Variants in CNRIP1 observed in about 807,000 individuals in gnomAD.
The protein encoded by CNRIP1 is cannabinoid receptor interacting protein 1, also known as CB1 cannabinoid receptor-interacting protein 1.
Under a neutral mutation model 15.2 loss-of-function variants are expected in CNRIP1, and 10 were observed. The observed-to-expected ratio is 0.66, with a 90% CI of 0.41 to 1.12. The LOEUF (loss-of-function observed/expected upper bound fraction) is 1.12, where lower values mean the gene tolerates loss of function less well. CNRIP1 is among the 50% of genes most tolerant of loss of function. The pLI is 0.00. For missense variants in CNRIP1, 211 were observed against 214.7 expected (o/e 0.98, Z 0.11); for synonymous variants, 91 against 83.2 (o/e 1.09, Z -0.51).
At chr2:68,318,568 A>C (rs1009642354) in intron 1 of CNRIP1, among the ~76,000 whole-genome samples, 5 of 152,150 alleles carry the variant, frequency 3.3e-5, no homozygotes, top group African/African-American at 1.2e-4. Context: ...AGGCACCATC[A>C]CCAGCCTGAA....
rs1558670476 is a variant in CNRIP1, at chr2:68,317,277, T to C, written c.210A>G (p.Pro70=). The C allele has an allele frequency of 6.2e-7, 1 of 1,614,114 alleles. No homozygotes were observed. The highest frequency in any genetic ancestry group is 8.5e-7 in the Non-Finnish European group (1 of 1,180,014). The part of the protein sequence containing the change: ...ENISIGGVLV[P]LELKSKEPDG... ...CAGGCTCTTTAGACTTCAGTTCCAG[T>C]GGGACAAGCACACCACCAATGGAAA... Residue 70 remains proline, a synonymous_variant, in exon 2 of 3, where the codon CCA becomes CCG. Transcript: ENST00000263655.
Position 68,319,303 on chromosome 2 carries a change from C to T in CNRIP1, c.98G>A (p.Gly33Asp), listed in dbSNP as rs756488484. The T allele has an allele frequency of 5.1e-6, 8 of 1,554,344 alleles. No individual in the cohort carries two copies. The highest frequency in any genetic ancestry group is 7.0e-6 in the Non-Finnish European group (8 of 1,148,810). The part of the protein sequence containing the change: ...VFYKVDGQRF[G>D]QNRTIKLLTG... ...GAGCAGCTTGATGGTGCGGTTCTGGCCGAAGCGCTGCCCGTCCACCTTGTA... is the reference window on the plus strand; with the variant it reads ...GAGCAGCTTGATGGTGCGGTTCTGGTCGAAGCGCTGCCCGTCCACCTTGTA... Residue 33 changes from glycine (G) to aspartate (D), a missense_variant, in exon 1 of 3, where the codon GGC (glycine) becomes GAC (aspartate). Physicochemically the swap from Gly to Asp is moderately conservative, Grantham distance 94 (BLOSUM62 -1). Transcript: ENST00000263655.
chr2:68,289,490 T>G (rs1195330528), downstream of CNRIP1, among the ~76,000 whole-genome samples: 1 of 151,434 alleles, frequency 6.6e-6, no homozygotes, highest in Non-Finnish European at 1.5e-5. Context: ...TCTTTTTTTC[T>G]TTTTTTTTGA....
intron 2 of CNRIP1, among the ~76,000 whole-genome samples, chr2:68,303,482 C>T (rs765100007): frequency 6.6e-6 from 1 of 152,158 alleles, no homozygotes; most frequent in Non-Finnish European, 1.5e-5. Flanking sequence ...TTCCTGTTCA[C>T]CTCCTCATGC....
chr2:68,310,281 T>G (rs1380162421), intron 2 of CNRIP1, among the ~76,000 whole-genome samples: 1 of 152,158 alleles, frequency 6.6e-6, no homozygotes, highest in Non-Finnish European at 1.5e-5. Context: ...TGAGCTGAGA[T>G]CGCACCACTG....
At chr2:68,319,062 A>T (rs898868166) in intron 1 of CNRIP1, among the ~76,000 whole-genome samples, 160 bp downstream of exon 1, 1 of 152,206 alleles carries the variant, frequency 6.6e-6, no homozygotes, top group Admixed American at 6.5e-5. Flanking sequence ...AAGGAAGGGG[A>T]CGAAGGCGGA....
In CNRIP1 at chr2:68,319,417, G is replaced by T; in HGVS notation, c.-17C>A. The stretch of plus-strand genomic sequence containing the variant: ...GTCCCCCATGTCTGGGCGAGGGTCT[G>T]GCGCGGCGGCTCCGGGGGGCGGAGG... On this transcript the variant is annotated 5_prime_UTR_variant, in exon 1 of 3. Coordinates refer to ENST00000263655, the MANE Select transcript of CNRIP1 (RefSeq NM_015463.3). 6.5e-7 allele frequency: 1 copy of T among 1,528,472 alleles called. No individual in the cohort carries two copies. 94.7% of individuals were successfully genotyped at this position (1,528,472 alleles called of 1,614,324 possible). A position where few individuals can be genotyped will look rare whatever the true frequency, so the allele number is the denominator to read the frequency against.
In CNRIP1 at chr2:68,304,401, C is replaced by CAAAAA. The variant is rs34952922; in HGVS notation, c.331-10380_331-10376dup. On this transcript the variant is annotated intron_variant, in intron 2 of 2. Coordinates refer to ENST00000263655, the MANE Select transcript of CNRIP1 (RefSeq NM_015463.3). ...TGGGTGACAGAGTGAGACTCCATCTCAAAAAAAAAATAAAGTTGGAGAGCC... is the reference window on the plus strand; with the variant it reads ...TGGGTGACAGAGTGAGACTCCATCTCAAAAAAAAAAAAAAATAAAGTTGGAGAGCC... Among the ~76,000 whole-genome samples, 681 of 148,308 alleles carry CAAAAA rather than the reference C, an allele frequency of 4.6e-3. 4 individuals are homozygous for CAAAAA. The highest frequency in any genetic ancestry group is 0.016 in the African/African-American group (658 of 40,208).
At chr2:68,284,810 CAAAAAAAAAA>C (rs146572383) in intron 2 of CNRIP1, among the ~76,000 whole-genome samples, 6 of 73,790 alleles carry the variant, frequency 8.1e-5, no homozygotes, top group African/African-American at 2.6e-4. Flanking sequence ...GACTCTGTCT[CAAAAAAAAAA>C]AAAAAAAAGA....
At chr2:68,303,658 C>A (rs1671702611) in intron 2 of CNRIP1, among the ~76,000 whole-genome samples, 1 of 152,214 alleles carries the variant, frequency 6.6e-6, no homozygotes, top group Non-Finnish European at 1.5e-5. Context: ...ATTTCTATAT[C>A]TTTTTGAATA....
In CNRIP1 at chr2:68,319,309, C is replaced by A. The variant is rs778965502; in HGVS notation, c.92G>T (p.Arg31Leu). ...GPVFYKVDGQ[R>L]FGQNRTIKLL... ...CTTGATGGTGCGGTTCTGGCCGAAG[C>A]GCTGCCCGTCCACCTTGTAAAAGAC... Residue 31 changes from arginine to leucine, a missense_variant, in exon 1 of 3, where the codon CGC (arginine) becomes CTC (leucine). Coordinates refer to ENST00000263655, the MANE Select transcript of CNRIP1 (RefSeq NM_015463.3). The A allele has an allele frequency of 6.4e-7, 1 of 1,556,220 alleles. No homozygotes were observed. Among genetic ancestry groups the A allele is most frequent in the Non-Finnish European group, 8.7e-7 (1 of 1,149,774 alleles).
intron 2 of CNRIP1, among the ~76,000 whole-genome samples, chr2:68,302,998 C>G (rs1403224087): frequency 6.6e-6 from 1 of 151,982 alleles, no homozygotes; most frequent in Non-Finnish European, 1.5e-5. Context: ...CAGGCGCCCG[C>G]TACCTCGCCC....
At chr2:68,303,177 T>C (rs545266441) in intron 2 of CNRIP1, among the ~76,000 whole-genome samples, 1 of 152,292 alleles carries the variant, frequency 6.6e-6, no homozygotes, top group African/African-American at 2.4e-5. Context: ...GGTATCAACT[T>C]TGGACTCTTA....
chr2:68,310,430 T>C (rs1449850407), intron 2 of CNRIP1, among the ~76,000 whole-genome samples: 1 of 152,142 alleles, frequency 6.6e-6, no homozygotes, highest in Admixed American at 6.5e-5. Flanking sequence ...TCCAGTTCCT[T>C]GGCTGACTGC....
chr2:68,296,787 G>A (rs2103623666), intron 2 of CNRIP1, among the ~76,000 whole-genome samples: 1 of 152,150 alleles, frequency 6.6e-6, no homozygotes, highest in East Asian at 1.9e-4. Context: ...ACAGGTGTGT[G>A]CCACTACGCC....
chr2:68,309,860 A>G (rs1482807837), intron 2 of CNRIP1, among the ~76,000 whole-genome samples: 1 of 152,226 alleles, frequency 6.6e-6, no homozygotes, highest in Non-Finnish European at 1.5e-5. Flanking sequence ...TGGACACCCT[A>G]CAGGGGCCAT....
intron 2 of CNRIP1, among the ~76,000 whole-genome samples, chr2:68,302,771 T>C (rs1429983068): frequency 6.6e-6 from 1 of 151,898 alleles, no homozygotes; most frequent in Non-Finnish European, 1.5e-5. Flanking sequence ...TGAAGTGTGA[T>C]ATCAGAAAAG....
At chr2:68,288,523 T>C (rs1435755647), downstream of CNRIP1, among the ~76,000 whole-genome samples, 2 of 152,194 alleles carry the variant, frequency 1.3e-5, no homozygotes, top group Non-Finnish European at 2.9e-5. Flanking sequence ...TATTTTTCAT[T>C]TGTTAGCAAG....
At position 68,317,296 on chromosome 2, in the gene CNRIP1, A is replaced by G. The variant is rs1672312232; in HGVS notation, c.191T>C (p.Ile64Thr). The G allele has an allele frequency of 1.1e-5, 17 of 1,614,032 alleles. No homozygotes were observed. Among genetic ancestry groups the G allele is most frequent in the Admixed American group, 1.7e-5 (1 of 60,026 alleles). ...TTCCAGTGGGACAAGCACACCACCA[A>G]TGGAAATATTCCTGCAATAGACTTG... ...PSTLQVENIS[I>T]GGVLVPLELK... Residue 64 changes from isoleucine (I) to threonine (T), a missense_variant, in exon 2 of 3, where the codon ATT becomes ACT. By Grantham distance (89) the Ile-to-Thr change is moderately conservative. Coordinates refer to ENST00000263655, the MANE Select transcript of CNRIP1 (RefSeq NM_015463.3).
Sources: gnomAD v4.1 joint callset for allele counts (sites outside exome capture counted in the v4.1 genomes callset) on GRCh38, gnomAD v4.1.1 for gene constraint, MANE v1.5 for transcripts, NCBI Gene and HGNC (gene_info 2026-07-23, HGNC 2026-07-21) for gene names.